VAX2: variants seen among roughly 807,000 people sequenced by gnomAD.
VAX2 encodes ventral anterior homeobox 2.
Under a neutral mutation model 12.5 loss-of-function variants are expected in VAX2, and 8 were observed. That is an observed-to-expected ratio of 0.64 (90% CI 0.37 to 1.15). VAX2 has a LOEUF of 1.15. VAX2 is among the 50% of genes most tolerant of loss of function. The probability of loss-of-function intolerance (pLI) is 0.01; values close to 1 mark genes in which losing one functional copy is unlikely to be tolerated. For synonymous variants in VAX2, 183 were observed against 187.6 expected, an observed-to-expected ratio of 0.98 and a Z score of 0.20; for missense variants, 476 against 412.9, an observed-to-expected ratio of 1.15 and a Z score of -1.32.
intron 1 of VAX2, among the ~76,000 whole-genome samples, chr2:70,910,328 T>A (rs1301177587): frequency 6.6e-6 from 1 of 152,176 alleles, no homozygotes; most frequent in Non-Finnish European, 1.5e-5. Flanking sequence ...GTAACAAGAA[T>A]CATTTTACAT....
At chr2:70,914,945 C>T (rs782505850) in intron 1 of VAX2, among the ~76,000 whole-genome samples, 12 of 151,868 alleles carry the variant, frequency 7.9e-5, no homozygotes, top group South Asian at 2.1e-4. Context: ...GGATTAGAGG[C>T]GCACGCCACC....
At chr2:70,928,212 C>T (rs966683970) in intron 2 of VAX2, among the ~76,000 whole-genome samples, 1 of 152,198 alleles carries the variant, frequency 6.6e-6, no homozygotes, top group African/African-American at 2.4e-5. Flanking sequence ...GCTTGGTGGG[C>T]CTGATGGGCT....
At chr2:70,931,494 G>A (rs980616907) in intron 2 of VAX2, among the ~76,000 whole-genome samples, 13 of 152,330 alleles carry the variant, frequency 8.5e-5, no homozygotes, top group South Asian at 6.2e-4. Flanking sequence ...GCAGCGTGGC[G>A]GCCAGCATGG....
At chr2:70,905,129 G>A (rs1553410415) in intron 1 of VAX2, among the ~76,000 whole-genome samples, 1 of 152,066 alleles carries the variant, frequency 6.6e-6, no homozygotes, top group Non-Finnish European at 1.5e-5. Context: ...CCGGGCCGCA[G>A]GCCTAGCCCT....
chr2:70,914,918 C>T (rs899153299), intron 1 of VAX2, among the ~76,000 whole-genome samples: 4 of 151,510 alleles, frequency 2.6e-5, no homozygotes, highest in African/African-American at 9.7e-5. Flanking sequence ...TCTCATGCCT[C>T]GGCCCCTGAG....
At chr2:70,916,305 T>C (rs1464423649) in intron 1 of VAX2, among the ~76,000 whole-genome samples, 1 of 152,250 alleles carries the variant, frequency 6.6e-6, no homozygotes, top group Non-Finnish European at 1.5e-5. Context: ...AAACCTATAG[T>C]ACCTTATCAA....
At chr2:70,918,040 A>G (rs548467602) in intron 1 of VAX2, among the ~76,000 whole-genome samples, 46 of 152,230 alleles carry the variant, frequency 3.0e-4, no homozygotes, top group African/African-American at 8.0e-4. Flanking sequence ...GTGGGGTCAC[A>G]CATATTATCC....
At chr2:70,915,211 T>A (rs1679283595) in intron 1 of VAX2, among the ~76,000 whole-genome samples, 1 of 152,048 alleles carries the variant, frequency 6.6e-6, no homozygotes, top group South Asian at 2.1e-4. Context: ...AAATACATCC[T>A]TTGTGTTTCC....
At chr2:70,907,313 G>A (rs576153623) in intron 1 of VAX2, among the ~76,000 whole-genome samples, 1 of 152,262 alleles carries the variant, frequency 6.6e-6, no homozygotes, top group Non-Finnish European at 1.5e-5. Flanking sequence ...CTTGGGAAGC[G>A]CTGGGCCGCT....
intron 1 of VAX2, among the ~76,000 whole-genome samples, chr2:70,909,325 TG>T (rs1434003955): frequency 6.6e-6 from 1 of 151,964 alleles, no homozygotes; most frequent in African/African-American, 2.4e-5. Flanking sequence ...CCCACAATGC[TG>T]GCCTAGCTTT....
intron 1 of VAX2, among the ~76,000 whole-genome samples, chr2:70,918,929 C>A (rs1276785216): frequency 6.7e-6 from 1 of 150,268 alleles, no homozygotes; most frequent in African/African-American, 2.4e-5. Context: ...TGGAGGCGGG[C>A]GCAGTGGTTC....
intron 1 of VAX2, among the ~76,000 whole-genome samples, chr2:70,917,099 C>T (rs565219999): frequency 1.4e-5 from 2 of 141,000 alleles, no homozygotes; most frequent in African/African-American, 2.7e-5. Flanking sequence ...TGCAGTGAGC[C>T]GAGATCGCGC....
chr2:70,921,352 G>T, intron 2 of VAX2, 67 bp downstream of exon 2: 1 of 1,469,386 alleles, frequency 6.8e-7, no homozygotes, highest in Admixed American at 2.6e-5. Context: ...GGGATATGAG[G>T]CCCTGTGAGC....
chr2:70,919,230 CAA>C (rs571460115), intron 1 of VAX2, among the ~76,000 whole-genome samples: 4 of 53,520 alleles, frequency 7.5e-5, no homozygotes, highest in Non-Finnish European at 1.1e-4. Flanking sequence ...TGTGTCTCCA[CAA>C]AAAAAAAAAA....
chr2:70,916,241 T>C (rs1303654335), intron 1 of VAX2, among the ~76,000 whole-genome samples: 1 of 152,226 alleles, frequency 6.6e-6, no homozygotes, highest in Non-Finnish European at 1.5e-5. Context: ...ATAAAAATAG[T>C]ACAGAGAAGT....
At chr2:70,901,187 G>A (rs895162376) in intron 1 of VAX2, among the ~76,000 whole-genome samples, 2 of 152,242 alleles carry the variant, frequency 1.3e-5, no homozygotes, top group African/African-American at 2.4e-5. Context: ...CCTGGACTCC[G>A]TCCCGTGACC....
chr2:70,918,149 A>G (rs936247610), intron 1 of VAX2, among the ~76,000 whole-genome samples: 2 of 152,214 alleles, frequency 1.3e-5, no homozygotes, highest in Non-Finnish European at 2.9e-5. Flanking sequence ...GGCTCTGCCC[A>G]GCAGCTTGGC....
intron 1 of VAX2, among the ~76,000 whole-genome samples, chr2:70,908,145 T>C (rs1185211128): frequency 2.0e-5 from 3 of 152,262 alleles, no homozygotes; most frequent in African/African-American, 7.2e-5. Flanking sequence ...ACACACAATT[T>C]AAATATATTT....
chr2:70,910,719 T>C (rs1679162694), intron 1 of VAX2, among the ~76,000 whole-genome samples: 1 of 151,316 alleles, frequency 6.6e-6, no homozygotes, highest in African/African-American at 2.4e-5. Flanking sequence ...GTGCCACTTA[T>C]ATAGTAAGGA....
Sources: allele counts gnomAD v4.1 joint callset (sites outside exome capture counted in the v4.1 genomes callset), GRCh38; gene constraint gnomAD v4.1.1; transcripts MANE v1.5; gene names NCBI Gene and HGNC (gene_info 2026-07-23, HGNC 2026-07-21).